The following NMT2 variants were observed in gnomAD, a reference collection of about 807,000 sequenced individuals.
The protein encoded by NMT2 is glycylpeptide N-tetradecanoyltransferase 2.
A neutral mutation model predicts 65.4 loss-of-function variants in NMT2; 35 were observed. The observed-to-expected ratio is 0.54, with a 90% confidence interval of 0.41 to 0.71. NMT2 has a LOEUF of 0.71. Ranked by LOEUF, NMT2 falls within the 30% of genes least tolerant of loss-of-function variation. The pLI is 0.00. For synonymous variants in NMT2, 226 were observed against 231.8 expected, an observed-to-expected ratio of 0.98 and a Z score of 0.23; for missense variants, 489 against 611.3, an observed-to-expected ratio of 0.80 and a Z score of 2.11.
intron 6 of NMT2, 114 bp from the exon 7 acceptor site, chr10:15,130,426 G>T: frequency 2.4e-6 from 2 of 845,064 alleles, no homozygotes; most frequent in Non-Finnish European, 3.4e-6. Flanking sequence ...AAGAATGCAG[G>T]CTGGGAACAC....
chr10:15,115,458 C>G (rs1425679373), intron 9 of NMT2, among the ~76,000 whole-genome samples: 1 of 152,032 alleles, frequency 6.6e-6, no homozygotes, highest in Non-Finnish European at 1.5e-5. Flanking sequence ...CAAATACACC[C>G]AAAGGTACTA....
At chr10:15,124,525 C>T (rs2131517100) in intron 8 of NMT2, among the ~76,000 whole-genome samples, 1 of 152,258 alleles carries the variant, frequency 6.6e-6, no homozygotes, top group East Asian at 1.9e-4. Context: ...ATTCAAAAGT[C>T]CATGAAAAAG....
At chr10:15,152,444 G>A (rs531959673) in intron 1 of NMT2, among the ~76,000 whole-genome samples, 3 of 152,358 alleles carry the variant, frequency 2.0e-5, no homozygotes, top group African/African-American at 7.2e-5. Flanking sequence ...GCTGGGACAA[G>A]CAGGACTGGG....
At chr10:15,152,511 A>C (rs1210857797) in intron 1 of NMT2, among the ~76,000 whole-genome samples, 1 of 152,156 alleles carries the variant, frequency 6.6e-6, no homozygotes, top group African/African-American at 2.4e-5. Flanking sequence ...TGACAGCAAA[A>C]AGTGAACTCA....
At chr10:15,127,124 A>G (rs1298872061) in intron 8 of NMT2, among the ~76,000 whole-genome samples, 1 of 151,936 alleles carries the variant, frequency 6.6e-6, no homozygotes, top group Non-Finnish European at 1.5e-5. Flanking sequence ...AATTCCAGCT[A>G]TTTGGGAGGC....
intron 10 of NMT2, among the ~76,000 whole-genome samples, chr10:15,111,486 G>A (rs2131463944): frequency 6.9e-6 from 1 of 144,200 alleles, no homozygotes; most frequent in South Asian, 2.2e-4. Flanking sequence ...ACTCCAGCCT[G>A]GGTAACACAG....
chr10:15,163,954 C>T (rs1438761643), intron 1 of NMT2, among the ~76,000 whole-genome samples: 2 of 151,936 alleles, frequency 1.3e-5, no homozygotes, highest in South Asian at 2.1e-4. Context: ...CCGAGGCGGG[C>T]GGATCACAAG....
rs1845303383 is a variant in NMT2, at chr10:15,106,357, G to A, written c.*2838C>T. 1 of 153,048 alleles carries A rather than the reference G, an allele frequency of 6.5e-6. No individual in the cohort carries two copies. The highest frequency in any genetic ancestry group is 2.4e-5 in the African/African-American group (1 of 41,462). 9.5% of individuals were successfully genotyped at this position (153,048 alleles called of 1,614,324 possible). On this transcript the variant is annotated 3_prime_UTR_variant, in exon 12 of 12. Coordinates refer to ENST00000378165, the MANE Select transcript of NMT2 (RefSeq NM_004808.3). ...TTTGTGGCATGAAAATGAGTGGGAA[G>A]TAAAGTCCTAAATTAGAGCCTTGAC...
At chr10:15,167,898 T>G (rs1833427495) in intron 1 of NMT2, among the ~76,000 whole-genome samples, 1 of 151,920 alleles carries the variant, frequency 6.6e-6, no homozygotes, top group Admixed American at 6.5e-5. Flanking sequence ...GGCGAGGCGG[T>G]GCAAAGCCCA....
intron 8 of NMT2, among the ~76,000 whole-genome samples, chr10:15,124,923 A>G (rs79458080): frequency 0.043 from 6,601 of 152,304 alleles, 456 homozygotes; most frequent in African/African-American, 0.15. Flanking sequence ...GCATCTTGAC[A>G]ATCGTCCTTT....
chr10:15,164,078 G>C (rs1247672070), intron 1 of NMT2, among the ~76,000 whole-genome samples: 1 of 151,020 alleles, frequency 6.6e-6, no homozygotes, highest in East Asian at 2.0e-4. Context: ...AGCTACTCCG[G>C]AAGCTGAGGC....
chr10:15,122,598 T>A (rs1845961694), intron 8 of NMT2, among the ~76,000 whole-genome samples: 1 of 152,134 alleles, frequency 6.6e-6, no homozygotes. Context: ...TTTTTGTATT[T>A]TTAGTAGAGA....
chr10:15,130,095 C>A, intron 7 of NMT2, 47 bp downstream of exon 7: 1 of 1,361,680 alleles, frequency 7.3e-7, no homozygotes, highest in Non-Finnish European at 9.6e-7. Context: ...TGAGGCTCAA[C>A]ATTTTTGATA....
chr10:15,113,085 C>T (rs942052610), intron 9 of NMT2, 122 bp from the exon 10 acceptor site: 4 of 1,060,888 alleles, frequency 3.8e-6, no homozygotes, highest in Admixed American at 2.3e-5. Context: ...ACTTCTTTCT[C>T]GGCAGTCCAA....
At chr10:15,128,733 G>T (rs1044514583) in intron 7 of NMT2, among the ~76,000 whole-genome samples, 1 of 152,150 alleles carries the variant, frequency 6.6e-6, no homozygotes, top group Admixed American at 6.5e-5. Flanking sequence ...GGCTGGGCAC[G>T]GTGGCTCATG....
chr10:15,140,334 G>C (rs972011445), intron 2 of NMT2, among the ~76,000 whole-genome samples: 1 of 152,034 alleles, frequency 6.6e-6, no homozygotes, highest in African/African-American at 2.4e-5. Flanking sequence ...ATGTTGCCCA[G>C]GCTGGTCTTG....
At chr10:15,112,540 T>C (rs1354394705) in intron 10 of NMT2, among the ~76,000 whole-genome samples, 1 of 151,940 alleles carries the variant, frequency 6.6e-6, no homozygotes, top group African/African-American at 2.4e-5. Context: ...TATATATTCT[T>C]ATATAAGGAT....
intron 8 of NMT2, among the ~76,000 whole-genome samples, chr10:15,127,596 A>T (rs1258731209): frequency 2.1e-5 from 3 of 146,196 alleles, no homozygotes; most frequent in Non-Finnish European, 4.5e-5. Context: ...ATAAATAAAT[A>T]AAATAAAATA....
At chr10:15,113,463 CAAAAAAAAAAAAAA>C (rs1169255963) in intron 9 of NMT2, among the ~76,000 whole-genome samples, 2 of 37,004 alleles carry the variant, frequency 5.4e-5, no homozygotes, top group Admixed American at 4.3e-4. Flanking sequence ...GGATGAGACT[CAAAAAAAAAAAAAA>C]AAAAAAAAAA....
Sources: gnomAD v4.1 joint callset for allele counts (sites outside exome capture counted in the v4.1 genomes callset) on GRCh38, gnomAD v4.1.1 for gene constraint, MANE v1.5 for transcripts, NCBI Gene and HGNC (gene_info 2026-07-23, HGNC 2026-07-21) for gene names.